JAKMIP3: variants seen among roughly 807,000 people sequenced by gnomAD.
JAKMIP3 encodes the protein Janus kinase and microtubule interacting protein 3.
A neutral mutation model predicts 118.5 loss-of-function variants in JAKMIP3; 58 were observed. That is an observed-to-expected ratio of 0.49 (90% CI 0.40 to 0.61). JAKMIP3 has a LOEUF of 0.61. Among genes scored for constraint, JAKMIP3 ranks in the 20% least tolerant of loss-of-function variants. The pLI is 0.00. For missense variants in JAKMIP3, 950 were observed against 1,109.0 expected (o/e 0.86, Z 2.04); for synonymous variants, 486 against 451.2 (o/e 1.08, Z -0.98).
chr10:132,151,787 G>T (rs1008946754), intron 16 of JAKMIP3, among the ~76,000 whole-genome samples: 3 of 152,160 alleles, frequency 2.0e-5, no homozygotes, highest in African/African-American at 7.2e-5. Context: ...TCATCATGCA[G>T]CCTCTGAGGC....
chr10:132,184,355 T>TGG lies in JAKMIP3; in HGVS notation c.*3104_*3105dup, dbSNP rs2061692417. Reference sequence around the variant, plus strand: ...TCAAAAAGAAGAGAGTGCCCAAGTGTGGGTTTGGAGGCACTGACGCATTCG... The same window carrying TGG: ...TCAAAAAGAAGAGAGTGCCCAAGTGTGGGGGTTTGGAGGCACTGACGCATTCG... On this transcript the variant is annotated 3_prime_UTR_variant, in exon 24 of 24. Coordinates refer to ENST00000684848, the MANE Select transcript of JAKMIP3 (RefSeq NM_001323087.2). The TGG allele has an allele frequency of 6.6e-6, 1 of 152,208 alleles. No homozygotes were observed. Among genetic ancestry groups the TGG allele is most frequent in the African/African-American group, 2.4e-5 (1 of 41,446 alleles). 9.4% of individuals were successfully genotyped at this position (152,208 alleles called of 1,614,324 possible).
Position 132,180,604 on chromosome 10 carries a change from C to CGT in JAKMIP3, c.*1104-1743_*1104-1742dup, listed in dbSNP as rs1184491325. Among the ~76,000 whole-genome samples, 7 of 11,984 alleles carry CGT rather than the reference C, an allele frequency of 5.8e-4. 1 individual carries two copies. Among genetic ancestry groups the CGT allele is most frequent in the South Asian group, 8.3e-3 (2 of 240 alleles). 7.9% of individuals were successfully genotyped at this position (11,984 alleles called of 152,430 possible). On this transcript the variant is annotated intron_variant, in intron 23 of 23. Coordinates refer to ENST00000684848, the MANE Select transcript of JAKMIP3 (RefSeq NM_001323087.2). ...GCGTGCGCGTGTGTGTGTGCGTGCG[C>CGT]GTGTGTGTGTGCGTGTGTGTGCGTG...
chr10:132,078,628 G>C (rs548569799), intron 1 of JAKMIP3, among the ~76,000 whole-genome samples: 2,506 of 151,084 alleles, frequency 0.017, 93 homozygotes, highest in African/African-American at 0.058. Context: ...GCGGGGGGGG[G>C]GGGGGGTCCC....
chr10:132,054,695 T>G (rs574086605), intron 1 of JAKMIP3, among the ~76,000 whole-genome samples: 1 of 152,280 alleles, frequency 6.6e-6, no homozygotes, highest in Admixed American at 6.5e-5. Flanking sequence ...GGCTAACAGA[T>G]AAGACTAAGG....
chr10:132,058,494 C>G (rs1291586298), intron 1 of JAKMIP3, among the ~76,000 whole-genome samples: 1 of 152,234 alleles, frequency 6.6e-6, no homozygotes, highest in Admixed American at 6.5e-5. Flanking sequence ...CTGGAGGGTC[C>G]TGTGTGCTAA....
Position 132,145,389 on chromosome 10 carries a change from T to C in JAKMIP3, c.1687-129T>C, listed in dbSNP as rs903083399. 8.9e-6 allele frequency: 9 copies of C among 1,016,434 alleles called. No homozygotes were observed. The African/African-American group carries it at 1.3e-4, about 15-fold the overall frequency. The allele number at this position is 1,016,434 out of a possible 1,614,324, so 63.0% of individuals were successfully genotyped here. On this transcript the variant is annotated intron_variant, in intron 12 of 23. Transcript: ENST00000684848. ...CCACCACGCCCGGCTAATTTTTGTA[T>C]TTTTTGTAGAGACGGGGCTTTGCCA...
intron 2 of JAKMIP3, among the ~76,000 whole-genome samples, chr10:132,110,982 A>G (rs2046772954): frequency 6.6e-6 from 1 of 152,242 alleles, no homozygotes; most frequent in East Asian, 1.9e-4. Flanking sequence ...AGGGCCCCTG[A>G]TGCCTGTTCT....
At chr10:132,092,127 G>A (rs1299091770) in intron 1 of JAKMIP3, among the ~76,000 whole-genome samples, 16 of 152,098 alleles carry the variant, frequency 1.1e-4, no homozygotes, top group Non-Finnish European at 1.8e-4. Context: ...AGTTTCTGCC[G>A]AGAGATCCAC....
chr10:132,178,224 G>A (rs542032197), intron 23 of JAKMIP3, among the ~76,000 whole-genome samples: 1 of 152,386 alleles, frequency 6.6e-6, no homozygotes, highest in East Asian at 1.9e-4. Flanking sequence ...CAGCATCCGT[G>A]TGAGCCACAT....
chr10:132,052,294 G>A (rs2038125358), intron 1 of JAKMIP3, among the ~76,000 whole-genome samples: 1 of 152,220 alleles, frequency 6.6e-6, no homozygotes, highest in South Asian at 2.1e-4. Context: ...GAAGTCAGCT[G>A]TTAGTCTAAA....
At position 132,146,966 on chromosome 10, in the gene JAKMIP3, G is replaced by C. The variant is rs78655578; in HGVS notation, c.1750-986G>C. ...AATGCCTGCGTGCACACTTGAACAC[G>C]CACACACGTAAATGCTGGCATGTAC... On this transcript the variant is annotated intron_variant, in intron 13 of 23. Transcript: ENST00000684848. 2.5e-3 allele frequency among the ~76,000 whole-genome samples: 380 copies of C among 152,220 alleles called. 8 individuals are homozygous for C. The East Asian group carries it at 0.041, about 16-fold the overall frequency.
intron 3 of JAKMIP3, among the ~76,000 whole-genome samples, chr10:132,125,340 C>T (rs950982133): frequency 2.6e-5 from 4 of 152,250 alleles, no homozygotes; most frequent in Non-Finnish European, 5.9e-5. Context: ...GTCCTTTCCC[C>T]CTGAACTGCG....
At chr10:132,129,264 G>A (rs1252684026) in intron 3 of JAKMIP3, among the ~76,000 whole-genome samples, 3 of 152,210 alleles carry the variant, frequency 2.0e-5, no homozygotes, top group African/African-American at 7.2e-5. Context: ...CCAGGGTCTA[G>A]AGAATTCACT....
At chr10:132,127,239 TTC>T (rs1231479686) in intron 3 of JAKMIP3, among the ~76,000 whole-genome samples, 4 of 151,304 alleles carry the variant, frequency 2.6e-5, no homozygotes, top group Non-Finnish European at 4.4e-5. Context: ...TTTTTTTTTT[TTC>T]GAGATGGTTT....
chr10:132,139,512 G>C (rs1266811053), intron 9 of JAKMIP3, among the ~76,000 whole-genome samples: 1 of 61,642 alleles, frequency 1.6e-5, no homozygotes, highest in African/African-American at 4.8e-5. Context: ...GTATGTGTGA[G>C]TGTGAGTGTG....
In JAKMIP3 at chr10:132,112,870, GCTCCCTCTGT is replaced by G. The variant is rs1385889763; in HGVS notation, c.136-4204_136-4195del. ...TGCCTGGCTGCGAATCCCCTCTCTC[GCTCCCTCTGT>G]CTTTCCCTTCTGCCCCCTTTGGCTG... On this transcript the variant is annotated intron_variant, in intron 2 of 23. Transcript: ENST00000684848. This position sits in a 1 kb window ranked among gnomAD's most constrained non-coding sequence, Gnocchi z 4.3. Among the ~76,000 whole-genome samples the G allele has an allele frequency of 6.6e-6, 1 of 152,044 alleles. No homozygotes were observed. Among genetic ancestry groups the G allele is most frequent in the Non-Finnish European group, 1.5e-5 (1 of 68,010 alleles).
chr10:132,084,705 T>C (rs1170559886), intron 1 of JAKMIP3, among the ~76,000 whole-genome samples: 1 of 152,216 alleles, frequency 6.6e-6, no homozygotes, highest in African/African-American at 2.4e-5. Flanking sequence ...ATGTTGGCTA[T>C]GGGTTTGTCA....
chr10:132,072,398 A>C lies in JAKMIP3; in HGVS notation c.-138+6337A>C, dbSNP rs1028357721. Among the ~76,000 whole-genome samples the C allele has an allele frequency of 2.6e-5, 4 of 152,024 alleles. No individual in the cohort carries two copies. In the East Asian group the frequency reaches 7.8e-4, roughly 30 times the overall value. Reference sequence around the variant, plus strand: ...AGTCTCTACAAAAAATTAAAAAATTAGCTGTAGTGTGGTATAGTCCCAGCT... The same window carrying C: ...AGTCTCTACAAAAAATTAAAAAATTCGCTGTAGTGTGGTATAGTCCCAGCT... On this transcript the variant is annotated intron_variant, in intron 1 of 23. Transcript: ENST00000684848.
rs1283165096 is a variant in JAKMIP3 at position 132,180,672 on chromosome 10, TGTGCGC to T, written c.*1104-1683_*1104-1678del. Among the ~76,000 whole-genome samples the T allele has an allele frequency of 9.7e-4, 30 of 31,040 alleles. 2 individuals carry two copies. Among genetic ancestry groups the T allele is most frequent in the South Asian group, 5.5e-3 (4 of 724 alleles). The allele number at this position is 31,040 out of a possible 152,430, so 20.4% of individuals were successfully genotyped here. A position where few individuals can be genotyped will look rare whatever the true frequency, so the allele number is the denominator to read the frequency against. The stretch of plus-strand genomic sequence containing the variant: ...GTGTGCGTGTGCGTGTGTGCGTGTG[TGTGCGC>T]GCGCGTGTGTGTGCGTGCGTGTGTG... On this transcript the variant is annotated intron_variant, in intron 23 of 23. Coordinates refer to ENST00000684848, the MANE Select transcript of JAKMIP3 (RefSeq NM_001323087.2).
Sources: gnomAD v4.1 joint callset for allele counts (sites outside exome capture counted in the v4.1 genomes callset) on GRCh38, gnomAD v4.1.1 for gene constraint, Gnocchi (gnomAD v3.1) non-coding constraint, MANE v1.5 for transcripts, NCBI Gene and HGNC (gene_info 2026-07-23, HGNC 2026-07-21) for gene names.